SERPINB5: variants seen among roughly 807,000 people sequenced by gnomAD.
The protein encoded by SERPINB5 is serpin B5.
Under a neutral mutation model 32.2 loss-of-function variants are expected in SERPINB5, and 27 were observed. The observed-to-expected ratio is 0.84, with a 90% CI of 0.62 to 1.16. The LOEUF is 1.16. Among genes scored for constraint, SERPINB5 ranks in the 50% most tolerant of loss-of-function variants. The probability of loss-of-function intolerance (pLI) is 0.00; values close to 1 mark genes in which losing one functional copy is unlikely to be tolerated. For synonymous variants in SERPINB5, 154 were observed against 157.4 expected (o/e 0.98, Z 0.16); for missense variants, 388 against 436.3 (o/e 0.89, Z 0.99).
intron 1 of SERPINB5, among the ~76,000 whole-genome samples, chr18:63,482,963 A>C (rs1401482931): frequency 3.3e-5 from 5 of 152,056 alleles, no homozygotes; most frequent in African/African-American, 1.2e-4. Context: ...AATAGAAGGG[A>C]TGTCATATAG....
chr18:63,499,483 C>T (rs1252177246), intron 6 of SERPINB5, among the ~76,000 whole-genome samples, 196 bp downstream of exon 6: 1 of 152,216 alleles, frequency 6.6e-6, no homozygotes, highest in Non-Finnish European at 1.5e-5. Context: ...ATTTATTTGG[C>T]ACTTACAGTG....
intron 5 of SERPINB5, 51 bp from the exon 6 acceptor site, chr18:63,499,069 T>TA: frequency 1.4e-5 from 9 of 661,192 alleles, no homozygotes; most frequent in African/African-American, 2.0e-5. Flanking sequence ...ATATATATAT[T>TA]TATGCATGTG....
chr18:63,479,921 A>G (rs1261101583), intron 1 of SERPINB5, among the ~76,000 whole-genome samples: 1 of 152,262 alleles, frequency 6.6e-6, no homozygotes, highest in Admixed American at 6.5e-5. Context: ...AGACTTCAGG[A>G]CATGCAGGAT....
chr18:63,501,436 T>G (rs1351627754), intron 6 of SERPINB5, among the ~76,000 whole-genome samples: 1 of 152,164 alleles, frequency 6.6e-6, no homozygotes, highest in Non-Finnish European at 1.5e-5. Flanking sequence ...CTTAATCCAG[T>G]CTATCATTAT....
At chr18:63,484,246 A>G (rs943044957) in intron 1 of SERPINB5, among the ~76,000 whole-genome samples, 176 bp from the exon 2 acceptor site, 22 of 152,208 alleles carry the variant, frequency 1.4e-4, no homozygotes, top group Admixed American at 1.4e-3. Context: ...GCCTTCAGAC[A>G]TTTGCCTGGA....
At chr18:63,490,220 C>T (rs1471376076) in intron 4 of SERPINB5, among the ~76,000 whole-genome samples, 1 of 151,850 alleles carries the variant, frequency 6.6e-6, no homozygotes, top group Non-Finnish European at 1.5e-5. Context: ...CAAACAAAAC[C>T]GTAGTGTCAG....
At chr18:63,494,292 A>C (rs1394231403) in intron 5 of SERPINB5, among the ~76,000 whole-genome samples, 1 of 140,074 alleles carries the variant, frequency 7.1e-6, no homozygotes, top group African/African-American at 2.6e-5. Context: ...ACTGCACTCC[A>C]GCCTGGGTGA....
chr18:63,490,281 C>T (rs1909298866), intron 4 of SERPINB5, among the ~76,000 whole-genome samples: 1 of 152,098 alleles, frequency 6.6e-6, no homozygotes, highest in Non-Finnish European at 1.5e-5. Flanking sequence ...CTGATAGCCC[C>T]GGGGTCCAAG....
chr18:63,484,739 ATC>A, intron 2 of SERPINB5, 143 bp downstream of exon 2: 6 of 144,436 alleles, frequency 4.2e-5, no homozygotes, highest in Admixed American at 1.2e-4. Context: ...GACTCTCTTA[ATC>A]TTTTTTTTTT....
In SERPINB5 at chr18:63,480,704, C is replaced by T. The variant is rs376607368; in HGVS notation, c.-8+3659C>T. ...AAGTCATCTTTTGAGCTACCTCAGACCAGATCAACTTTATAGTGTTTTTAG... is the reference window on the plus strand; with the variant it reads ...AAGTCATCTTTTGAGCTACCTCAGATCAGATCAACTTTATAGTGTTTTTAG... On this transcript the variant is annotated intron_variant, in intron 1 of 6. Coordinates refer to ENST00000382771, the MANE Select transcript of SERPINB5 (RefSeq NM_002639.5). Among the ~76,000 whole-genome samples, 69 of 152,318 alleles carry T rather than the reference C, an allele frequency of 4.5e-4. No individual in the cohort carries two copies. In the South Asian group the frequency reaches 0.014, roughly 31 times the overall value.
chr18:63,487,737 C>A (rs1199690742), intron 3 of SERPINB5, among the ~76,000 whole-genome samples: 3 of 152,148 alleles, frequency 2.0e-5, no homozygotes, highest in African/African-American at 7.2e-5. Flanking sequence ...TTGAAACACA[C>A]AGACAATATT....
At chr18:63,493,989 G>T (rs1909396606) in intron 5 of SERPINB5, among the ~76,000 whole-genome samples, 1 of 152,168 alleles carries the variant, frequency 6.6e-6, no homozygotes, top group Non-Finnish European at 1.5e-5. Context: ...GGCCTGTTTT[G>T]CAGGCCAGTC....
chr18:63,493,124 G>A (rs769475950), intron 5 of SERPINB5, 29 bp downstream of exon 5: 2 of 1,613,838 alleles, frequency 1.2e-6, no homozygotes, highest in African/African-American at 2.7e-5. Context: ...AGCAGTAAAA[G>A]GAGCCCAATT....
At chr18:63,500,134 G>A (rs1909541543) in intron 6 of SERPINB5, among the ~76,000 whole-genome samples, 1 of 151,786 alleles carries the variant, frequency 6.6e-6, no homozygotes, top group East Asian at 1.9e-4. Context: ...GTGGCATGAT[G>A]GTAGCTCACT....
intron 5 of SERPINB5, chr18:63,497,490 A>C: frequency 2.8e-6 from 1 of 355,598 alleles, no homozygotes; most frequent in Non-Finnish European, 4.9e-6. Flanking sequence ...CATTGAACAC[A>C]ACGTTTCTGA....
chr18:63,495,370 T>G (rs1276819386), intron 5 of SERPINB5, among the ~76,000 whole-genome samples: 1 of 152,162 alleles, frequency 6.6e-6, no homozygotes, highest in Non-Finnish European at 1.5e-5. Context: ...GGAGGGGTGT[T>G]GGCCCCACTG....
chr18:63,486,141 T>C (rs1917210664), intron 2 of SERPINB5: 1 of 152,218 alleles, frequency 6.6e-6, no homozygotes, highest in Non-Finnish European at 1.5e-5. Context: ...GTTTTACATA[T>C]AAGTAATCCT....
At position 63,503,617 on chromosome 18, in the gene SERPINB5, C is replaced by T. The variant is rs370247320; in HGVS notation, c.1023C>T (p.Ile341=). 1 of 1,614,222 alleles carries T rather than the reference C, an allele frequency of 6.2e-7. No homozygotes were observed. Among genetic ancestry groups the T allele is most frequent in the Non-Finnish European group, 8.5e-7 (1 of 1,180,036 alleles). ...GDSIEVPGAR[I]LQHKDELNAD... is the part of the protein sequence containing the mutation. ...CCATAGAGGTGCCAGGAGCACGGAT[C>T]CTGCAGCACAAGGATGAATTGAATG... Residue 341 remains isoleucine, a synonymous_variant, in exon 7 of 7, where the codon ATC becomes ATT. Transcript: ENST00000382771.
At chr18:63,491,408 A>ACCC (rs757436524) in intron 4 of SERPINB5, among the ~76,000 whole-genome samples, 8,888 of 108,094 alleles carry the variant, frequency 0.082, 341 homozygotes, top group Non-Finnish European at 0.12. Flanking sequence ...GTCTCCCAAA[A>ACCC]AAAAAAAAAA....
Sources: gnomAD v4.1 joint callset for allele counts (sites outside exome capture counted in the v4.1 genomes callset) on GRCh38, gnomAD v4.1.1 for gene constraint, MANE v1.5 for transcripts, NCBI Gene and HGNC (gene_info 2026-07-23, HGNC 2026-07-21) for gene names.